Variants in NAV3 observed in about 807,000 individuals in gnomAD.
The protein encoded by NAV3 is neuron navigator 3.
A neutral mutation model predicts 244.7 loss-of-function variants in NAV3; 87 were observed. That is an observed-to-expected ratio of 0.36 (90% CI 0.30 to 0.42). The LOEUF is 0.42. Among genes scored for constraint, NAV3 ranks in the 20% least tolerant of loss-of-function variants. The pLI, the probability that NAV3 is intolerant of heterozygous loss-of-function variation, is 1.00. For synonymous variants in NAV3, 1,126 were observed against 1,042.2 expected (o/e 1.08, Z -1.55); for missense variants, 2,663 against 2,893.3 (o/e 0.92, Z 1.83).
chr12:78,201,455 A>C (rs1032097121), intron 38 of NAV3, among the ~76,000 whole-genome samples: 2 of 151,696 alleles, frequency 1.3e-5, no homozygotes, highest in African/African-American at 4.8e-5. Flanking sequence ...TGGTCTTTTG[A>C]TCTATGACAG....
At chr12:77,984,418 C>G (rs1178712706) in intron 5 of NAV3, among the ~76,000 whole-genome samples, 1 of 151,648 alleles carries the variant, frequency 6.6e-6, no homozygotes, top group Non-Finnish European at 1.5e-5. Context: ...GTAATAGCGG[C>G]TAAAATTCAC....
At chr12:77,791,099 T>C (rs1157498370) in intron 2 of NAV3, among the ~76,000 whole-genome samples, 1 of 152,186 alleles carries the variant, frequency 6.6e-6, no homozygotes, top group African/African-American at 2.4e-5. Context: ...CTCATGCCTG[T>C]AGTCCCAGCA....
intron 2 of NAV3, among the ~76,000 whole-genome samples, chr12:77,678,324 T>A (rs1045286069): frequency 4.6e-5 from 7 of 152,300 alleles, no homozygotes; most frequent in African/African-American, 1.7e-4. Context: ...TGACTGTTGT[T>A]TTTTTTAAAT....
chr12:77,736,272 A>C (rs1188467690), intron 2 of NAV3, among the ~76,000 whole-genome samples: 1 of 152,224 alleles, frequency 6.6e-6, no homozygotes, highest in South Asian at 2.1e-4. Flanking sequence ...GGCAATAGAT[A>C]CAAAAACCCT....
At chr12:78,094,839 G>A (rs1332373468) in intron 12 of NAV3, among the ~76,000 whole-genome samples, 1 of 151,764 alleles carries the variant, frequency 6.6e-6, no homozygotes, top group South Asian at 2.1e-4. Context: ...ACGAGGTCAG[G>A]AGATTGAGAC....
At chr12:77,637,910 A>G (rs1872225621) in intron 2 of NAV3, among the ~76,000 whole-genome samples, 1 of 152,150 alleles carries the variant, frequency 6.6e-6, no homozygotes, top group South Asian at 2.1e-4. Flanking sequence ...GTGTTTCCTT[A>G]TTTGACTAGT....
Position 77,994,857 on chromosome 12 carries a change from A to C in NAV3, c.726A>C (p.Gln242His). 6.2e-7 allele frequency: 1 copy of C among 1,608,934 alleles called. No homozygotes were observed. The highest frequency in any genetic ancestry group is 8.5e-7 in the Non-Finnish European group (1 of 1,177,056). Residue 242 changes from glutamine to histidine, a missense_variant, in exon 6 of 40, where the codon CAA (glutamine) becomes CAC (histidine). Gln to His is a conservative substitution (Grantham distance 24). This residue lies in a region of NAV3 where 1,521 missense variants were observed against 1,497.0 expected (regional missense o/e 1.02). Coordinates refer to ENST00000397909, the MANE Select transcript of NAV3 (RefSeq NM_001024383.2). ...QSNHSGIATS[Q>H]KKPTRLPGPS... The stretch of plus-strand genomic sequence containing the variant: ...ATCACAGTGGAATTGCAACCAGTCA[A>C]AAAAAGCCTACTAGGTCAGTTAATA...
chr12:77,660,001 C>G (rs1289581475), intron 2 of NAV3, among the ~76,000 whole-genome samples: 1 of 151,678 alleles, frequency 6.6e-6, no homozygotes, highest in East Asian at 2.0e-4. Context: ...GGAGATATAC[C>G]TAATGCTAGA....
intron 1 of NAV3, among the ~76,000 whole-genome samples, chr12:77,841,960 C>A (rs529487722): frequency 3.3e-5 from 5 of 152,246 alleles, no homozygotes; most frequent in South Asian, 2.1e-4. Flanking sequence ...TAGGAAATAT[C>A]ATGTATCTGT....
chr12:78,116,527 T>C (rs1441696459), intron 12 of NAV3, among the ~76,000 whole-genome samples: 1 of 152,178 alleles, frequency 6.6e-6, no homozygotes, highest in Non-Finnish European at 1.5e-5. Context: ...TCCACACACA[T>C]TCTTCTTGAA....
At chr12:77,817,315 A>C (rs1326734845) in intron 2 of NAV3, among the ~76,000 whole-genome samples, 1 of 152,168 alleles carries the variant, frequency 6.6e-6, no homozygotes, top group East Asian at 1.9e-4. Flanking sequence ...ATTCACTTGT[A>C]ATTTTATACT....
At position 78,006,678 on chromosome 12, in the gene NAV3, A is replaced by G. The variant is rs2136565385; in HGVS notation, c.1140A>G (p.Gly380=). 1 of 1,614,158 alleles carries G rather than the reference A, an allele frequency of 6.2e-7. No homozygotes were observed. Among genetic ancestry groups the G allele is most frequent in the Non-Finnish European group, 8.5e-7 (1 of 1,180,036 alleles). ...AAGGGGTCAAAACTGCTCCCTCAGG[A>G]CAGAAATCCATGCTTGAGAAATTCA... ...VSEGVKTAPS[G]QKSMLEKFKL... Residue 380 remains glycine (G), a synonymous_variant, in exon 8 of 40, where the codon GGA becomes GGG. Coordinates refer to ENST00000397909, the MANE Select transcript of NAV3 (RefSeq NM_001024383.2).
At chr12:77,961,382 A>G (rs1456158731) in intron 3 of NAV3, among the ~76,000 whole-genome samples, 2 of 59,250 alleles carry the variant, frequency 3.4e-5, no homozygotes, top group Non-Finnish European at 9.8e-5. Context: ...ATATATTAAT[A>G]TAAATACATT....
intron 2 of NAV3, among the ~76,000 whole-genome samples, chr12:77,817,578 C>T (rs768376686): frequency 3.7e-4 from 56 of 150,642 alleles, no homozygotes; most frequent in Middle Eastern, 3.4e-3. Context: ...GTTAACTTCA[C>T]CTGAGGTTTC....
chr12:77,821,347 C>T (rs1872738288), intron 2 of NAV3, among the ~76,000 whole-genome samples: 1 of 152,028 alleles, frequency 6.6e-6, no homozygotes, highest in Non-Finnish European at 1.5e-5. Context: ...TATAGTGTTA[C>T]CCTGTGTTAA....
At chr12:77,800,788 AACAC>A (rs1871664556) in intron 2 of NAV3, among the ~76,000 whole-genome samples, 1 of 152,144 alleles carries the variant, frequency 6.6e-6, no homozygotes, top group East Asian at 1.9e-4. Context: ...TGTAAGATAA[AACAC>A]ACAAACAGAA....
chr12:78,120,052 G>GTATATAA (rs2138645322), intron 15 of NAV3, 107 bp downstream of exon 15: 1 of 499,082 alleles, frequency 2.0e-6, no homozygotes, highest in Non-Finnish European at 2.9e-6. Flanking sequence ...TATGTATAAG[G>GTATATAA]TATATATATA....
rs1035070842 is a variant in NAV3, at chr12:77,755,631, T to C, written c.72+183365T>C. 2.4e-4 allele frequency among the ~76,000 whole-genome samples: 29 copies of C among 123,360 alleles called. 4 individuals carry two copies. Among genetic ancestry groups the C allele is most frequent in the African/African-American group, 9.0e-4 (26 of 28,968 alleles). 80.9% of individuals were successfully genotyped at this position (123,360 alleles called of 152,430 possible). A position where few individuals can be genotyped will look rare whatever the true frequency, so the allele number is the denominator to read the frequency against. Reference sequence around the variant, plus strand: ...CCTCCCTCCTTCCTTCCTTCCTTCCTTCCTTCCTTCCTTCCTTCCTTCCTT... The same window carrying C: ...CCTCCCTCCTTCCTTCCTTCCTTCCCTCCTTCCTTCCTTCCTTCCTTCCTT... On this transcript the variant is annotated intron_variant, in intron 2 of 8. Coordinates refer to the NAV3 transcript ENST00000550042.
At chr12:77,966,126 T>G (rs185551462) in intron 3 of NAV3, 103 bp from the exon 4 acceptor site, 179 of 977,164 alleles carry the variant, frequency 1.8e-4, no homozygotes, top group Non-Finnish European at 2.6e-4. Context: ...GAAATGAATG[T>G]AAACTATTCA....
Sources: allele counts gnomAD v4.1 joint callset (sites outside exome capture counted in the v4.1 genomes callset), GRCh38; gene constraint gnomAD v4.1.1; regional missense constraint gnomAD v4.1.1; transcripts MANE v1.5; gene names NCBI Gene and HGNC (gene_info 2026-07-23, HGNC 2026-07-21).